The following LRP1B variants were observed in gnomAD, a reference collection of about 807,000 sequenced individuals.
The protein encoded by LRP1B is low-density lipoprotein receptor-related protein 1B.
In LRP1B, 217 loss-of-function variants were observed where a neutral mutation model predicts 556.6. The ratio of observed to expected loss-of-function variants is 0.39; its 90% CI spans 0.35 to 0.44. The LOEUF (loss-of-function observed/expected upper bound fraction) is 0.44. LRP1B is among the 20% of genes least tolerant of loss of function. LRP1B has a pLI of 1.00. For synonymous variants in LRP1B, 2,047 were observed against 1,865.8 expected, an observed-to-expected ratio of 1.10 and a Z score of -2.50; for missense variants, 5,053 against 5,620.8, an observed-to-expected ratio of 0.90 and a Z score of 3.23.
rs117485321 is a variant in LRP1B at position 140,290,698 on chromosome 2, G to A, written c.12967+7110C>T. ...TCGCTTTTAGCTGGGCCTGCCATAA[G>A]CTTAACAGCTCAAGATTAAAGTTCC... On this transcript the variant is annotated intron_variant, in intron 84 of 90. Coordinates refer to ENST00000389484, the MANE Select transcript of LRP1B (RefSeq NM_018557.3). Among the ~76,000 whole-genome samples, 86 of 152,200 alleles carry A rather than the reference G, an allele frequency of 5.7e-4. No individual in the cohort carries two copies. In the East Asian group the frequency reaches 0.012, roughly 22 times the overall value.
intron 2 of LRP1B, among the ~76,000 whole-genome samples, chr2:141,538,216 C>T (rs1187986435): frequency 1.3e-5 from 2 of 152,070 alleles, no homozygotes; most frequent in Non-Finnish European, 2.9e-5. Context: ...AGGCTCCAGT[C>T]TTTCAGAGAA....
At chr2:141,307,851 G>T (rs1017793814) in intron 3 of LRP1B, among the ~76,000 whole-genome samples, 7 of 152,176 alleles carry the variant, frequency 4.6e-5, no homozygotes, top group African/African-American at 1.7e-4. Context: ...CCAAGTGTGT[G>T]GGCAGGTTCT....
At chr2:141,576,815 T>C (rs1686769050) in intron 2 of LRP1B, among the ~76,000 whole-genome samples, 1 of 150,026 alleles carries the variant, frequency 6.7e-6, no homozygotes, top group South Asian at 2.1e-4. Context: ...TCAGGTCTTT[T>C]CTTTTTTTTT....
chr2:140,895,527 G>A (rs753174831), intron 23 of LRP1B, among the ~76,000 whole-genome samples: 2 of 152,052 alleles, frequency 1.3e-5, no homozygotes, highest in Admixed American at 6.6e-5. Context: ...GCAGAACTCC[G>A]TGTGGCCCCT....
At chr2:142,008,746 C>T (rs1338599287) in intron 1 of LRP1B, among the ~76,000 whole-genome samples, 2 of 151,828 alleles carry the variant, frequency 1.3e-5, no homozygotes, top group East Asian at 1.9e-4. Context: ...TGGATATGTC[C>T]CCTTCTTGAT....
chr2:141,075,707 A>G (rs1699769093), intron 7 of LRP1B, among the ~76,000 whole-genome samples: 1 of 152,222 alleles, frequency 6.6e-6, no homozygotes, highest in South Asian at 2.1e-4. Context: ...GAAATAACAC[A>G]GATGGCTGTC....
At chr2:141,297,607 C>T (rs1468666165) in intron 3 of LRP1B, among the ~76,000 whole-genome samples, 3 of 152,080 alleles carry the variant, frequency 2.0e-5, no homozygotes, top group African/African-American at 7.2e-5. Context: ...TTCATAAGGC[C>T]TTCCTTAAGT....
At chr2:140,234,734 G>C in intron 90 of LRP1B, 52 bp downstream of exon 90, 1 of 748,754 alleles carries the variant, frequency 1.3e-6, no homozygotes, top group South Asian at 1.4e-5. Context: ...GTCTTTGATT[G>C]TGAGGGTTCT....
chr2:142,067,129 C>T (rs953889375), intron 1 of LRP1B, among the ~76,000 whole-genome samples: 1 of 151,424 alleles, frequency 6.6e-6, no homozygotes, highest in African/African-American at 2.4e-5. Flanking sequence ...TGGTTCTCTT[C>T]TTCTACCTTT....
chr2:140,403,055 C>G (rs1003029145), intron 66 of LRP1B, among the ~76,000 whole-genome samples: 1 of 152,012 alleles, frequency 6.6e-6, no homozygotes, highest in Non-Finnish European at 1.5e-5. Flanking sequence ...CTAAAAGCAT[C>G]AGGAACCAAA....
Position 140,840,061 on chromosome 2 carries a change from G to T in LRP1B, c.5139C>A (p.Asn1713Lys). 2 of 1,610,582 alleles carry T rather than the reference G, an allele frequency of 1.2e-6. No individual in the cohort carries two copies. The highest frequency in any genetic ancestry group is 8.5e-7 in the Non-Finnish European group (1 of 1,178,336). Reference sequence around the variant, plus strand: ...CATCCATATTTGCCATGTTAATTGTGTTTCCATCGGTCCAGTAGAGTTTTC... The same window carrying T: ...CATCCATATTTGCCATGTTAATTGTTTTTCCATCGGTCCAGTAGAGTTTTC... The part of the protein sequence containing the change: ...VRGKLYWTDG[N>K]TINMANMDGS... Residue 1713 changes from asparagine (N) to lysine (K), a missense_variant, in exon 31 of 91, where the codon AAC (asparagine) becomes AAA (lysine). This residue lies in a region of LRP1B where 3,619 missense variants were observed against 3,931.9 expected (regional missense o/e 0.92). Coordinates refer to ENST00000389484, the MANE Select transcript of LRP1B (RefSeq NM_018557.3).
At chr2:140,436,156 G>C (rs1280565361) in intron 66 of LRP1B, among the ~76,000 whole-genome samples, 1 of 152,020 alleles carries the variant, frequency 6.6e-6, no homozygotes, top group South Asian at 2.1e-4. Context: ...TCTAATAATA[G>C]TACAAAAAAT....
chr2:140,976,503 CTTTTTTTTT>C (rs1216208854), intron 18 of LRP1B, among the ~76,000 whole-genome samples: 4 of 105,356 alleles, frequency 3.8e-5, no homozygotes, highest in African/African-American at 1.6e-4. Flanking sequence ...TTTTTTTTTC[CTTTTTTTTT>C]TTTTTTTTTT....
At chr2:141,957,390 G>A (rs961760976) in intron 1 of LRP1B, among the ~76,000 whole-genome samples, 7 of 125,854 alleles carry the variant, frequency 5.6e-5, no homozygotes, top group Non-Finnish European at 1.0e-4. Context: ...GTGTGGGGGG[G>A]GGGGGGCGGG....
At chr2:140,555,049 T>A (rs1479312446) in intron 43 of LRP1B, among the ~76,000 whole-genome samples, 1 of 152,030 alleles carries the variant, frequency 6.6e-6, no homozygotes, top group Non-Finnish European at 1.5e-5. Flanking sequence ...AATATTTCAA[T>A]GATTTTACTC....
chr2:140,372,226 C>G (rs183631327), intron 69 of LRP1B, among the ~76,000 whole-genome samples: 1 of 151,948 alleles, frequency 6.6e-6, no homozygotes, highest in Admixed American at 6.6e-5. Context: ...CAGTGTTTGT[C>G]TAGGGATCTG....
intron 1 of LRP1B, among the ~76,000 whole-genome samples, chr2:141,843,323 T>C (rs1244564419): frequency 6.6e-6 from 1 of 152,218 alleles, no homozygotes; most frequent in Non-Finnish European, 1.5e-5. Flanking sequence ...ATATAATCCA[T>C]CATTATTATA....
intron 2 of LRP1B, among the ~76,000 whole-genome samples, chr2:141,682,677 G>A (rs1248408048): frequency 6.6e-6 from 1 of 152,032 alleles, no homozygotes; most frequent in Non-Finnish European, 1.5e-5. Flanking sequence ...AACCTACTTA[G>A]GCATTTGGGG....
At chr2:141,952,775 A>T (rs1235389411) in intron 1 of LRP1B, among the ~76,000 whole-genome samples, 1 of 152,190 alleles carries the variant, frequency 6.6e-6, no homozygotes, top group Non-Finnish European at 1.5e-5. Context: ...ATTTTCTTTC[A>T]AATTATCTTT....
Sources: gnomAD v4.1 joint callset for allele counts (sites outside exome capture counted in the v4.1 genomes callset) on GRCh38, gnomAD v4.1.1 for gene constraint, gnomAD v4.1.1 regional missense constraint, MANE v1.5 for transcripts, NCBI Gene and HGNC (gene_info 2026-07-23, HGNC 2026-07-21) for gene names.